Variants in SOD2 observed in about 807,000 individuals in gnomAD.
SOD2 encodes superoxide dismutase [Mn], mitochondrial.
Under a neutral mutation model 27.0 loss-of-function variants are expected in SOD2, and 11 were observed. The observed-to-expected ratio is 0.41, with a 90% CI of 0.26 to 0.67. The LOEUF (loss-of-function observed/expected upper bound fraction) is 0.67. Among genes scored for constraint, SOD2 ranks in the 30% least tolerant of loss-of-function variants. The pLI is 0.34. For missense variants in SOD2, 250 were observed against 274.5 expected (o/e 0.91, Z 0.63); for synonymous variants, 105 against 103.0 (o/e 1.02, Z -0.12).
At chr6:159,709,827 T>C (rs111322367) in intron 1 of SOD2, among the ~76,000 whole-genome samples, 4,580 of 152,190 alleles carry the variant, frequency 0.03, 249 homozygotes, top group African/African-American at 0.1. Context: ...CGTATGTTTA[T>C]TGCGGCACTA....
intron 1 of SOD2, chr6:159,755,556 G>A (rs751609270): frequency 3.1e-6 from 5 of 1,613,884 alleles, no homozygotes; most frequent in East Asian, 4.5e-5. Context: ...GTGGGTTCCC[G>A]CCACGTTCAG....
chr6:159,725,906 C>A (rs887246880), intron 1 of SOD2: 1 of 152,162 alleles, frequency 6.6e-6, no homozygotes, highest in African/African-American at 2.4e-5. Context: ...AAGCAACACA[C>A]GATTATTTCC....
chr6:159,730,986 C>G (rs1192100081), upstream of SOD2: 1 of 150,464 alleles, frequency 6.6e-6, no homozygotes, highest in East Asian at 2.0e-4. Flanking sequence ...AAAAGAAATA[C>G]AAAAATTAGC....
Position 159,685,668 on chromosome 6 carries a change from CCCCCCG to C in SOD2, c.344-641_344-636del, listed in dbSNP as rs1780155741. Reference sequence around the variant, plus strand: ...CGAGCTTAGTATACAACAGTTTTCACCCCCCGTCCCCTTCTTTCTCCCTCCCTGCTC... The same window carrying C: ...CGAGCTTAGTATACAACAGTTTTCACTCCCCTTCTTTCTCCCTCCCTGCTC... On this transcript the variant is annotated intron_variant, in intron 3 of 4. Transcript: ENST00000538183. Among the ~76,000 whole-genome samples the C allele has an allele frequency of 4.5e-5, 5 of 110,228 alleles. 1 individual carries two copies. In the South Asian group the frequency reaches 1.5e-3, roughly 33 times the overall value. The allele number at this position is 110,228 out of a possible 152,430, so 72.3% of individuals were successfully genotyped here.
chr6:159,744,275 C>T (rs183772988), intron 1 of SOD2, among the ~76,000 whole-genome samples: 1 of 152,114 alleles, frequency 6.6e-6, no homozygotes, highest in Non-Finnish European at 1.5e-5. Flanking sequence ...ACTATGTCTA[C>T]GTAGATCTGA....
chr6:159,727,389 G>GGCGGGAC, upstream of SOD2: 1 of 1,217,526 alleles, frequency 8.2e-7, no homozygotes, highest in Non-Finnish European at 1.1e-6. Flanking sequence ...GGAGGCGGGA[G>GGCGGGAC]GCGGGAGGCG....
At chr6:159,742,522 A>G (rs987075930) in intron 1 of SOD2, among the ~76,000 whole-genome samples, 1 of 152,198 alleles carries the variant, frequency 6.6e-6, no homozygotes, top group Non-Finnish European at 1.5e-5. Context: ...GCAACCAGTA[A>G]CAGATTTATG....
At position 159,738,980 on chromosome 6, in the gene SOD2, C is replaced by A. The variant is rs776802237; in HGVS notation, c.-116+6150G>T. On this transcript the variant is annotated intron_variant, in intron 1 of 3. Transcript: ENST00000537657. The stretch of plus-strand genomic sequence containing the variant: ...AGAACACTAAATTCATATTGTAATT[C>A]TCTTTATAGGTTCGATTGAGTGAAA... The A allele has an allele frequency of 1.1e-5, 17 of 1,603,392 alleles. No individual in the cohort carries two copies. The African/African-American group carries it at 2.1e-4, about 20-fold the overall frequency.
rs1163357250 is a variant in SOD2, at chr6:159,679,375, A to C, written c.*3118T>G. 1 of 152,244 alleles carries C rather than the reference A, an allele frequency of 6.6e-6. No individual in the cohort carries two copies. The highest frequency in any genetic ancestry group is 2.4e-5 in the African/African-American group (1 of 41,470). The allele number at this position is 152,244 out of a possible 1,614,324, so 9.4% of individuals were successfully genotyped here. On this transcript the variant is annotated 3_prime_UTR_variant, in exon 5 of 5. Transcript: ENST00000538183. ...CCAAACAGTACTTCCCCTGGAATTA[A>C]AACAGGAAATACAATTTATGTTTAT...
chr6:159,683,254 C>T (rs1245877139), intron 4 of SOD2, among the ~76,000 whole-genome samples: 1 of 152,172 alleles, frequency 6.6e-6, no homozygotes, highest in Non-Finnish European at 1.5e-5. Context: ...GAGGCCGAGG[C>T]AGGCAGATCT....
At chr6:159,682,895 T>C (rs1305254361) in intron 4 of SOD2, among the ~76,000 whole-genome samples, 1 of 152,230 alleles carries the variant, frequency 6.6e-6, no homozygotes, top group Non-Finnish European at 1.5e-5. Flanking sequence ...AACAGTACTT[T>C]AATAGCTATT....
At chr6:159,725,945 C>T (rs1778156237) in intron 1 of SOD2, 1 of 152,102 alleles carries the variant, frequency 6.6e-6, no homozygotes, top group Non-Finnish European at 1.5e-5. Context: ...GCATTGTGTT[C>T]TACTGTATGG....
Position 159,674,396 on chromosome 6 carries a change from C to T in SOD2, c.*8097G>A, listed in dbSNP as rs1231810151. On this transcript the variant is annotated 3_prime_UTR_variant, in exon 5 of 5. Transcript: ENST00000538183. The stretch of plus-strand genomic sequence containing the variant: ...AGCAGCATATCAAAAAGCTTATCCA[C>T]CATGATCAAGTGGGCTTCATCCCTG... The T allele has an allele frequency of 6.6e-6, 1 of 152,198 alleles. No homozygotes were observed. Among genetic ancestry groups the T allele is most frequent in the Non-Finnish European group, 1.5e-5 (1 of 68,030 alleles). The allele number at this position is 152,198 out of a possible 1,614,324, so 9.4% of individuals were successfully genotyped here.
chr6:159,706,184 C>T (rs953157602), intron 1 of SOD2, among the ~76,000 whole-genome samples: 1 of 152,174 alleles, frequency 6.6e-6, no homozygotes, highest in Non-Finnish European at 1.5e-5. Context: ...TAAAGACCAT[C>T]GATGCCAGGA....
chr6:159,710,616 C>G (rs549171817), intron 1 of SOD2, among the ~76,000 whole-genome samples: 4 of 152,272 alleles, frequency 2.6e-5, no homozygotes, highest in African/African-American at 2.4e-5. Flanking sequence ...AGTGCTCCTT[C>G]TCTACCTAAC....
At chr6:159,701,633 C>G (rs1284924736) in intron 1 of SOD2, among the ~76,000 whole-genome samples, 3 of 151,564 alleles carry the variant, frequency 2.0e-5, no homozygotes, top group African/African-American at 7.3e-5. Flanking sequence ...GAAAAACAAG[C>G]CCATGAAGCA....
intron 1 of SOD2, among the ~76,000 whole-genome samples, chr6:159,719,476 C>T (rs535232949): frequency 1.3e-4 from 19 of 151,842 alleles, no homozygotes; most frequent in South Asian, 4.2e-4. Context: ...TGCAGTGAGC[C>T]GAGATCGGGA....
intron 1 of SOD2, among the ~76,000 whole-genome samples, chr6:159,757,493 A>G (rs1194027000): frequency 6.6e-6 from 1 of 150,606 alleles, no homozygotes; most frequent in Non-Finnish European, 1.5e-5. Context: ...GCTCACTGCA[A>G]CCTCCACCTC....
At chr6:159,727,966 C>G (rs1053154709), upstream of SOD2, among the ~76,000 whole-genome samples, 3 of 152,236 alleles carry the variant, frequency 2.0e-5, no homozygotes, top group African/African-American at 7.2e-5. Flanking sequence ...ACCGGCCACT[C>G]ACGGAGGCCG....
Sources: allele counts gnomAD v4.1 joint callset (sites outside exome capture counted in the v4.1 genomes callset), GRCh38; gene constraint gnomAD v4.1.1; transcripts MANE v1.5; gene names NCBI Gene and HGNC (gene_info 2026-07-23, HGNC 2026-07-21).